The following LRRC4C variants were observed in gnomAD, a reference collection of about 807,000 sequenced individuals.
LRRC4C encodes leucine rich repeat containing 4C, also known as leucine-rich repeat-containing protein 4C.
In LRRC4C, 5 loss-of-function variants were observed where a neutral mutation model predicts 33.6. The observed-to-expected ratio is 0.15, with a 90% CI of 0.08 to 0.31. The LOEUF (loss-of-function observed/expected upper bound fraction) is 0.31. LRRC4C is among the 10% of genes least tolerant of loss of function. The pLI is 1.00. For missense variants in LRRC4C, 560 were observed against 796.7 expected (o/e 0.70, Z 3.58); for synonymous variants, 329 against 302.0 (o/e 1.09, Z -0.93).
intron 1 of LRRC4C, among the ~76,000 whole-genome samples, chr11:41,271,241 A>T (rs981290958): frequency 8.6e-5 from 13 of 152,024 alleles, no homozygotes; most frequent in African/African-American, 3.1e-4. Context: ...AAGTATTTTT[A>T]AAAATGTGAT....
chr11:41,111,241 C>CA (rs1224743892), intron 1 of LRRC4C, among the ~76,000 whole-genome samples: 3 of 152,102 alleles, frequency 2.0e-5, no homozygotes, highest in Non-Finnish European at 2.9e-5. Flanking sequence ...AAAGCCCCTA[C>CA]ATACTCTTTA....
Position 40,833,744 on chromosome 11 carries a change from C to T in LRRC4C, c.-407+99891G>A, listed in dbSNP as rs141920975. On this transcript the variant is annotated intron_variant, in intron 2 of 6. Coordinates refer to ENST00000528697, the MANE Select transcript of LRRC4C (RefSeq NM_001258419.2). ...AGGTATCTGATTCTGGCATATAAAA[C>T]GACTTAAAATGTAAATGTGTATATA... Among the ~76,000 whole-genome samples the T allele has an allele frequency of 1.0e-3, 158 of 151,538 alleles. 1 individual carries two copies. The highest frequency in any genetic ancestry group is 3.5e-3 in the African/African-American group (143 of 41,438).
At chr11:40,786,433 C>T (rs980670135) in intron 2 of LRRC4C, among the ~76,000 whole-genome samples, 3 of 152,142 alleles carry the variant, frequency 2.0e-5, no homozygotes, top group Admixed American at 6.5e-5. Flanking sequence ...TTTAATGAGA[C>T]TTAAAGTTCA....
intron 5 of LRRC4C, among the ~76,000 whole-genome samples, chr11:40,219,469 AG>A (rs1449610761): frequency 6.6e-6 from 1 of 152,202 alleles, no homozygotes; most frequent in Non-Finnish European, 1.5e-5. Flanking sequence ...CCGAGTACTT[AG>A]AACAATCCTT....
intron 6 of LRRC4C, among the ~76,000 whole-genome samples, chr11:40,116,538 A>G (rs1487575151): frequency 6.6e-6 from 1 of 152,186 alleles, no homozygotes; most frequent in Non-Finnish European, 1.5e-5. Flanking sequence ...CCCACATTCC[A>G]TGAGATGTAT....
chr11:41,342,532 T>C (rs1951674949), intron 1 of LRRC4C, among the ~76,000 whole-genome samples: 1 of 152,086 alleles, frequency 6.6e-6, no homozygotes, highest in Non-Finnish European at 1.5e-5. Context: ...CTGATCAACA[T>C]GGCAAAACCC....
At chr11:40,363,284 T>G (rs1948049378) in intron 3 of LRRC4C, among the ~76,000 whole-genome samples, 1 of 152,178 alleles carries the variant, frequency 6.6e-6, no homozygotes, top group Non-Finnish European at 1.5e-5. Context: ...GAGGCCATTA[T>G]CCTTAGCAAA....
At chr11:40,618,686 C>T (rs1053902234) in intron 3 of LRRC4C, among the ~76,000 whole-genome samples, 2 of 151,684 alleles carry the variant, frequency 1.3e-5, no homozygotes, top group African/African-American at 4.8e-5. Flanking sequence ...CGCTAGAAAG[C>T]CTCACTATGT....
chr11:40,877,492 C>G (rs528492772), intron 2 of LRRC4C, among the ~76,000 whole-genome samples: 1 of 152,264 alleles, frequency 6.6e-6, no homozygotes, highest in African/African-American at 2.4e-5. Flanking sequence ...TCCTGTCTAA[C>G]AGTTGCCCTT....
At chr11:40,416,749 C>A (rs564144265) in intron 3 of LRRC4C, among the ~76,000 whole-genome samples, 39 of 152,288 alleles carry the variant, frequency 2.6e-4, no homozygotes, top group South Asian at 1.7e-3. Flanking sequence ...TTAAGAAATT[C>A]ACTCAAGGTT....
chr11:40,674,070 A>G (rs1029433918), intron 2 of LRRC4C, among the ~76,000 whole-genome samples: 1 of 152,202 alleles, frequency 6.6e-6, no homozygotes, highest in African/African-American at 2.4e-5. Flanking sequence ...ATAGGATGCA[A>G]TGCTTTAATA....
intron 1 of LRRC4C, among the ~76,000 whole-genome samples, chr11:41,220,850 AG>A (rs1265263472): frequency 6.6e-6 from 1 of 152,188 alleles, no homozygotes. Flanking sequence ...GTTCTAGGCC[AG>A]TGTCTATGCA....
chr11:40,691,959 T>A (rs1473644796), intron 2 of LRRC4C, among the ~76,000 whole-genome samples: 4 of 152,060 alleles, frequency 2.6e-5, no homozygotes, highest in African/African-American at 9.7e-5. Context: ...GGGCTTTTCA[T>A]GAAGATAAGA....
rs78607671 is a variant in LRRC4C, at chr11:40,830,885, G to C, written c.-407+102750C>G. Among the ~76,000 whole-genome samples, 1,520 of 152,202 alleles carry C rather than the reference G, an allele frequency of 1.0e-2. 23 individuals carry two copies. The highest frequency in any genetic ancestry group is 0.033 in the African/African-American group (1,388 of 41,534). On this transcript the variant is annotated intron_variant, in intron 2 of 6. Coordinates refer to ENST00000528697, the MANE Select transcript of LRRC4C (RefSeq NM_001258419.2). ...AAAGAGGGTGGAGGAAATTATCATG[G>C]TTCGTGTTAACTTATTAGCTGCAGT...
Position 40,268,651 on chromosome 11 carries a change from TA to T in LRRC4C, c.-175-27054del, listed in dbSNP as rs375895559. Among the ~76,000 whole-genome samples, 25 of 149,160 alleles carry T rather than the reference TA, an allele frequency of 1.7e-4. 1 individual carries two copies. The highest frequency in any genetic ancestry group is 4.2e-4 in the South Asian group (2 of 4,714). On this transcript the variant is annotated intron_variant, in intron 4 of 6. Transcript: ENST00000528697. Reference sequence around the variant, plus strand: ...GTATAACATCAAACCGTAGCACTGGTAAAAAAAAAATCAGCAAAAAAAATAA... The same window carrying T: ...GTATAACATCAAACCGTAGCACTGGTAAAAAAAAATCAGCAAAAAAAATAA...
intron 2 of LRRC4C, among the ~76,000 whole-genome samples, chr11:40,759,834 G>C (rs774369518): frequency 5.3e-5 from 8 of 151,436 alleles, no homozygotes; most frequent in African/African-American, 4.9e-5. Context: ...GGAACTTCTA[G>C]CCAATAGAAT....
rs1046979169 is a variant in LRRC4C at position 41,352,866 on chromosome 11, C to A, written c.-496+106565G>T. Among the ~76,000 whole-genome samples the A allele has an allele frequency of 7.2e-5, 11 of 151,918 alleles. No individual in the cohort carries two copies. The East Asian group carries it at 1.5e-3, about 21-fold the overall frequency. On this transcript the variant is annotated intron_variant, in intron 1 of 6. Transcript: ENST00000528697. ...CACACCAGAATCTCTGGGACATAGA[C>A]AAACCAGTGTTAAGAGGAAAGTTTA... is the stretch of plus-strand genomic sequence containing the variant.
intron 2 of LRRC4C, among the ~76,000 whole-genome samples, chr11:40,727,613 C>T (rs903840057): frequency 2.0e-5 from 3 of 151,958 alleles, no homozygotes; most frequent in Non-Finnish European, 2.9e-5. Flanking sequence ...CAGAGCAAAC[C>T]GACAGCATAT....
chr11:40,861,286 G>A (rs1954088259), intron 2 of LRRC4C, among the ~76,000 whole-genome samples: 1 of 152,230 alleles, frequency 6.6e-6, no homozygotes, highest in East Asian at 1.9e-4. Context: ...GGGAAGTCTT[G>A]AACAGAAAGG....
Sources: gnomAD v4.1 joint callset for allele counts (sites outside exome capture counted in the v4.1 genomes callset) on GRCh38, gnomAD v4.1.1 for gene constraint, MANE v1.5 for transcripts, NCBI Gene and HGNC (gene_info 2026-07-23, HGNC 2026-07-21) for gene names.